The following EXPH5 variants were observed in gnomAD, a reference collection of about 807,000 sequenced individuals.
EXPH5 encodes the protein exophilin 5, also known as exophilin-5.
EXPH5 carries 42 observed loss-of-function variants against 41.1 expected under a neutral mutation model. That is an observed-to-expected ratio of 1.02 (90% CI 0.80 to 1.32). The LOEUF is 1.32. Among genes scored for constraint, EXPH5 ranks in the 40% most tolerant of loss-of-function variants. The pLI, the probability that EXPH5 is intolerant of heterozygous loss-of-function variation, is 0.00. For synonymous variants in EXPH5, 798 were observed against 833.5 expected (o/e 0.96, Z 0.73); for missense variants, 2,298 against 2,314.5 (o/e 0.99, Z 0.15).
chr11:108,575,285 G>T (rs116519250), intron 1 of EXPH5, among the ~76,000 whole-genome samples: 1 of 152,172 alleles, frequency 6.6e-6, no homozygotes. Context: ...TAAAACAAAG[G>T]CCTTCCCGCA....
chr11:108,518,456 A>G, intron 4 of EXPH5, 83 bp from the exon 5 acceptor site: 1 of 1,267,670 alleles, frequency 7.9e-7, no homozygotes, highest in Admixed American at 2.1e-5. Flanking sequence ...AACTGTCCCA[A>G]GCTTAAAAGT....
chr11:108,601,756 A>C, the EXPH5 span, among the ~76,000 whole-genome samples: 4 of 102,184 alleles, frequency 3.9e-5, no homozygotes, highest in Non-Finnish European at 6.5e-5. Context: ...TTTCTTTTTT[A>C]TTTTTATTTT....
chr11:108,601,894 G>A, the EXPH5 span, among the ~76,000 whole-genome samples: 1 of 152,042 alleles, frequency 6.6e-6, no homozygotes, highest in African/African-American at 2.4e-5. Context: ...GTCTACAGGT[G>A]TGAGCCACCA....
chr11:108,585,322 T>A (rs1398155612), intron 1 of EXPH5, among the ~76,000 whole-genome samples: 1 of 152,224 alleles, frequency 6.6e-6, no homozygotes. Context: ...AATTCATATG[T>A]TGAGCCCTAC....
the EXPH5 span, among the ~76,000 whole-genome samples, chr11:108,598,886 T>C: frequency 6.6e-6 from 1 of 152,200 alleles, no homozygotes; most frequent in Non-Finnish European, 1.5e-5. Context: ...GGAGTCAGTA[T>C]CTTTGGTTCA....
rs564945321 is a variant in EXPH5, at chr11:108,553,283, G to A, written c.120-11471C>T. ...ACACAAACTCACAACAGAAGGAAAA[G>A]GTAAGTTATCTAAGTAACAATAAGG... is the stretch of plus-strand genomic sequence containing the variant. On this transcript the variant is annotated intron_variant, in intron 1 of 5. Transcript: ENST00000265843. 2.0e-5 allele frequency among the ~76,000 whole-genome samples: 3 copies of A among 152,276 alleles called. No homozygotes were observed. The South Asian group carries it at 6.2e-4, about 32-fold the overall frequency.
chr11:108,529,888 C>A (rs947595337), intron 3 of EXPH5, among the ~76,000 whole-genome samples: 2 of 151,636 alleles, frequency 1.3e-5, no homozygotes, highest in African/African-American at 4.8e-5. Flanking sequence ...TGACTGAGAG[C>A]TCTGTATGAA....
At position 108,513,738 on chromosome 11, in the gene EXPH5, T is replaced by C; in HGVS notation, c.1769A>G (p.Tyr590Cys). The C allele has an allele frequency of 6.2e-7, 1 of 1,611,830 alleles. No individual in the cohort carries two copies. Among genetic ancestry groups the C allele is most frequent in the Non-Finnish European group, 8.5e-7 (1 of 1,179,156 alleles). The change falls in exon 6 of 6, where the codon TAT becomes TGT. Residue 590 changes from tyrosine to cysteine, a missense_variant. Coordinates refer to ENST00000265843, the MANE Select transcript of EXPH5 (RefSeq NM_015065.3). Reference protein sequence around the residue: ...PNVCSMTGSSYHVKSSELVSQ... With the variant: ...PNVCSMTGSSCHVKSSELVSQ... ...TACCAACTCACTAGATTTGACGTGA[T>C]AGCTTGAACCAGTCATGGAGCAAAC...
At chr11:108,543,660 A>C (rs1375447129) in intron 1 of EXPH5, among the ~76,000 whole-genome samples, 1 of 152,176 alleles carries the variant, frequency 6.6e-6, no homozygotes, top group Non-Finnish European at 1.5e-5. Flanking sequence ...TTGGAGTTAA[A>C]AGGCAATGAA....
At chr11:108,604,535 T>G in the EXPH5 span, among the ~76,000 whole-genome samples, 1 of 152,162 alleles carries the variant, frequency 6.6e-6, no homozygotes, top group East Asian at 1.9e-4. Flanking sequence ...GTATTATTAT[T>G]GCAAATTAGA....
intron 3 of EXPH5, among the ~76,000 whole-genome samples, chr11:108,529,646 A>G (rs1347936496): frequency 6.6e-6 from 1 of 152,096 alleles, no homozygotes; most frequent in African/African-American, 2.4e-5. Flanking sequence ...GGAGTTCGAG[A>G]CCAGCCTGAC....
Position 108,508,047 on chromosome 11 carries a change from TG to T in EXPH5, c.*1489del, listed in dbSNP as rs1797957144. The stretch of plus-strand genomic sequence containing the variant: ...AAAAAAAATTAGCCAGGTGTGGTGG[TG>T]GGTGCCTGTAGTCCCAGCTACTTGG... On this transcript the variant is annotated 3_prime_UTR_variant, in exon 6 of 6. Coordinates refer to ENST00000265843, the MANE Select transcript of EXPH5 (RefSeq NM_015065.3). 7.9e-6 allele frequency: 1 copy of T among 126,214 alleles called. No individual in the cohort carries two copies. Among genetic ancestry groups the T allele is most frequent in the South Asian group, 2.7e-4 (1 of 3,746 alleles). 7.8% of individuals were successfully genotyped at this position (126,214 alleles called of 1,614,324 possible).
chr11:108,548,286 A>C (rs1377950488), intron 1 of EXPH5, among the ~76,000 whole-genome samples: 1 of 151,772 alleles, frequency 6.6e-6, no homozygotes. Flanking sequence ...ATTTTGATTA[A>C]ATTTTGAATG....
At chr11:108,577,407 T>C (rs369838570) in intron 1 of EXPH5, among the ~76,000 whole-genome samples, 2 of 152,068 alleles carry the variant, frequency 1.3e-5, no homozygotes, top group South Asian at 2.1e-4. Flanking sequence ...TTATTTTATT[T>C]TATTTTATTT....
chr11:108,573,284 C>T (rs922751797), intron 1 of EXPH5, among the ~76,000 whole-genome samples: 1 of 152,120 alleles, frequency 6.6e-6, no homozygotes, highest in Non-Finnish European at 1.5e-5. Flanking sequence ...GAGTCTACCA[C>T]CCTACCAGGG....
At position 108,511,074 on chromosome 11, in the gene EXPH5, C is replaced by T. The variant is rs1467806987; in HGVS notation, c.4433G>A (p.Gly1478Glu). The change falls in exon 6 of 6, where the codon GGA (glycine) becomes GAA (glutamate). Residue 1478 changes from glycine to glutamate, a missense_variant. Transcript: ENST00000265843. Reference protein sequence around the residue: ...TSTAVGDGSSGSQPREGRGDI... With the variant: ...TSTAVGDGSSESQPREGRGDI... Reference sequence around the variant, plus strand: ...CCCTCTGCCTTCCCTAGGCTGTGATCCACTGGAGCCATCACCTACAGCTGT... The same window carrying T: ...CCCTCTGCCTTCCCTAGGCTGTGATTCACTGGAGCCATCACCTACAGCTGT... 1 of 1,614,116 alleles carries T rather than the reference C, an allele frequency of 6.2e-7. No homozygotes were observed. Among genetic ancestry groups the T allele is most frequent in the Non-Finnish European group, 8.5e-7 (1 of 1,179,998 alleles).
At chr11:108,531,358 T>G (rs889847933) in intron 3 of EXPH5, among the ~76,000 whole-genome samples, 1 of 152,214 alleles carries the variant, frequency 6.6e-6, no homozygotes, top group African/African-American at 2.4e-5. Flanking sequence ...GGTGGGCAGA[T>G]CATTTGAGGT....
chr11:108,569,512 G>T (rs1198426909), intron 1 of EXPH5, among the ~76,000 whole-genome samples: 1 of 152,060 alleles, frequency 6.6e-6, no homozygotes, highest in South Asian at 2.1e-4. Flanking sequence ...GCTAATTTTT[G>T]TATTTTGAGT....
At chr11:108,538,269 C>T (rs770365761) in intron 3 of EXPH5, 1 of 985,212 alleles carries the variant, frequency 1.0e-6, no homozygotes, top group Non-Finnish European at 1.2e-6. Context: ...CAAGCCAACA[C>T]CTTAAGAGGG....
Sources: gnomAD v4.1 joint callset for allele counts (sites outside exome capture counted in the v4.1 genomes callset) on GRCh38, gnomAD v4.1.1 for gene constraint, MANE v1.5 for transcripts, NCBI Gene and HGNC (gene_info 2026-07-23, HGNC 2026-07-21) for gene names.